KMO: variants seen among roughly 807,000 people sequenced by gnomAD.
KMO encodes the protein kynurenine 3-monooxygenase.
A neutral mutation model predicts 57.8 loss-of-function variants in KMO; 24 were observed. The ratio of observed to expected loss-of-function variants is 0.42; its 90% CI spans 0.30 to 0.58. The LOEUF is 0.58. KMO is among the 20% of genes least tolerant of loss of function. The pLI is 0.22. For synonymous variants in KMO, 210 were observed against 193.6 expected, an observed-to-expected ratio of 1.08 and a Z score of -0.70; for missense variants, 483 against 588.2, an observed-to-expected ratio of 0.82 and a Z score of 1.85.
At chr1:241,543,362 T>C (rs562260761) in intron 1 of KMO, among the ~76,000 whole-genome samples, 1 of 152,234 alleles carries the variant, frequency 6.6e-6, no homozygotes, top group African/African-American at 2.4e-5. Context: ...TATTTGCATA[T>C]GTCTATAGTT....
chr1:241,570,984 T>C (rs1011214139), intron 10 of KMO, among the ~76,000 whole-genome samples: 1 of 152,158 alleles, frequency 6.6e-6, no homozygotes, highest in Non-Finnish European at 1.5e-5. Context: ...GTTTTCATTG[T>C]AGAGATCTTT....
chr1:241,555,682 T>C (rs754767182), intron 5 of KMO, 22 bp downstream of exon 5: 22 of 1,446,930 alleles, frequency 1.5e-5, no homozygotes, highest in Non-Finnish European at 2.1e-5. Flanking sequence ...GTTTGATTCA[T>C]CAGTTGTCAT....
At chr1:241,542,374 G>A (rs1286952436) in intron 1 of KMO, among the ~76,000 whole-genome samples, 3 of 152,192 alleles carry the variant, frequency 2.0e-5, no homozygotes, top group Non-Finnish European at 2.9e-5. Context: ...GAAGTATGAC[G>A]AGACAGAAGA....
At chr1:241,578,731 G>C (rs781257737) in intron 10 of KMO, among the ~76,000 whole-genome samples, 3 of 152,146 alleles carry the variant, frequency 2.0e-5, no homozygotes, top group African/African-American at 7.2e-5. Context: ...AGCCAGGGTG[G>C]TGTAGGTAAT....
intron 9 of KMO, among the ~76,000 whole-genome samples, chr1:241,567,174 G>A (rs889334272): frequency 5.9e-5 from 9 of 152,122 alleles, no homozygotes; most frequent in African/African-American, 1.7e-4. Flanking sequence ...TGAAGGCAGC[G>A]CAATGCTACA....
At chr1:241,571,316 A>T (rs562871196) in intron 10 of KMO, among the ~76,000 whole-genome samples, 6 of 152,166 alleles carry the variant, frequency 3.9e-5, no homozygotes, top group African/African-American at 1.2e-4. Flanking sequence ...CCAGTACTAC[A>T]TTGCATAAAA....
intron 10 of KMO, among the ~76,000 whole-genome samples, chr1:241,582,622 T>C (rs1185083712): frequency 6.6e-6 from 1 of 152,236 alleles, no homozygotes; most frequent in Non-Finnish European, 1.5e-5. Flanking sequence ...AAAAATTATT[T>C]CAATCTCTTT....
intron 1 of KMO, among the ~76,000 whole-genome samples, chr1:241,534,190 G>A (rs1464591577): frequency 6.6e-6 from 1 of 152,234 alleles, no homozygotes; most frequent in Non-Finnish European, 1.5e-5. Context: ...TGTGGAGAAT[G>A]ACTAGGAACA....
chr1:241,549,178 AAGAG>A (rs923820257), intron 2 of KMO, among the ~76,000 whole-genome samples: 2 of 146,778 alleles, frequency 1.4e-5, no homozygotes, highest in African/African-American at 2.6e-5. Context: ...AAGAGAGAGA[AAGAG>A]AGAGAGAGAG....
chr1:241,592,209 G>T lies in KMO; in HGVS notation c.*56G>T. 7.4e-7 allele frequency: 1 copy of T among 1,348,162 alleles called. No homozygotes were observed. Among genetic ancestry groups the T allele is most frequent in the South Asian group, 1.2e-5 (1 of 81,354 alleles). 83.5% of individuals were successfully genotyped at this position (1,348,162 alleles called of 1,614,324 possible). On this transcript the variant is annotated 3_prime_UTR_variant, in exon 15 of 15. Coordinates refer to ENST00000366559, the MANE Select transcript of KMO (RefSeq NM_003679.5). Reference sequence around the variant, plus strand: ...TTTCTCTGTGACCAAAATTAAGCATGAAAAAAATGTTTCCATTGCCATATT... The same window carrying T: ...TTTCTCTGTGACCAAAATTAAGCATTAAAAAAATGTTTCCATTGCCATATT...
At chr1:241,591,639 T>C (rs1317513650) in intron 14 of KMO, among the ~76,000 whole-genome samples, 1 of 152,208 alleles carries the variant, frequency 6.6e-6, no homozygotes. Context: ...AGCAGTACTC[T>C]TCTAAGAATT....
intron 2 of KMO, among the ~76,000 whole-genome samples, chr1:241,549,100 C>T (rs959694344): frequency 3.3e-5 from 5 of 150,902 alleles, no homozygotes; most frequent in Middle Eastern, 3.4e-3. Flanking sequence ...ACCCAGGAGG[C>T]GGAGGTTGCA....
chr1:241,553,034 A>G (rs1167876452), intron 4 of KMO, among the ~76,000 whole-genome samples: 1 of 152,232 alleles, frequency 6.6e-6, no homozygotes, highest in Non-Finnish European at 1.5e-5. Context: ...TAGATAAAAT[A>G]AACTTTTTTT....
rs558164747 is a variant in KMO at position 241,539,034 on chromosome 1, G to A, written c.54+6536G>A. ...TACACTGTTGATGGTAATCTAAGCC[G>A]GTATTTTTTTCCTGGAAAACAACTT... On this transcript the variant is annotated intron_variant, in intron 1 of 14. Coordinates refer to ENST00000366559, the MANE Select transcript of KMO (RefSeq NM_003679.5). Among the ~76,000 whole-genome samples, 615 of 152,154 alleles carry A rather than the reference G, an allele frequency of 4.0e-3. 2 individuals are homozygous for A. The highest frequency in any genetic ancestry group is 7.0e-3 in the Non-Finnish European group (475 of 68,006).
rs1428760596 is a variant in KMO at position 241,592,377 on chromosome 1, G to C, written c.*224G>C. ...TCCCTACATTACACACACTCAGGTT[G>C]AGTCATTCTAACTATAAAAGTGCAA... On this transcript the variant is annotated 3_prime_UTR_variant, in exon 15 of 15. Coordinates refer to ENST00000366559, the MANE Select transcript of KMO (RefSeq NM_003679.5). 1 of 539,160 alleles carries C rather than the reference G, an allele frequency of 1.9e-6. No individual in the cohort carries two copies. Among genetic ancestry groups the C allele is most frequent in the South Asian group, 2.1e-5 (1 of 47,320 alleles). 33.4% of individuals were successfully genotyped at this position (539,160 alleles called of 1,614,324 possible).
chr1:241,562,908 AAG>A (rs1558421381), intron 7 of KMO, among the ~76,000 whole-genome samples: 18 of 53,816 alleles, frequency 3.3e-4, no homozygotes, highest in South Asian at 1.9e-3. Context: ...GGAAGGAAGG[AAG>A]GAAGGAAAGA....
intron 7 of KMO, among the ~76,000 whole-genome samples, chr1:241,562,814 G>T (rs764164120): frequency 1.3e-5 from 2 of 151,432 alleles, no homozygotes; most frequent in Non-Finnish European, 2.9e-5. Flanking sequence ...ACTCTATCCT[G>T]AGCAACATAG....
chr1:241,582,519 A>G (rs766209566), intron 10 of KMO, among the ~76,000 whole-genome samples: 3 of 151,656 alleles, frequency 2.0e-5, no homozygotes, highest in Admixed American at 6.6e-5. Context: ...CAGCTCACTA[A>G]TTTTTTCTTC....
intron 2 of KMO, among the ~76,000 whole-genome samples, chr1:241,549,416 CTT>C (rs1221879613): frequency 2.0e-5 from 3 of 151,832 alleles, no homozygotes; most frequent in Non-Finnish European, 4.4e-5. Context: ...AATTCTTTGA[CTT>C]TTCTTTAGAT....
Sources: gnomAD v4.1 joint callset for allele counts (sites outside exome capture counted in the v4.1 genomes callset) on GRCh38, gnomAD v4.1.1 for gene constraint, MANE v1.5 for transcripts, NCBI Gene and HGNC (gene_info 2026-07-23, HGNC 2026-07-21) for gene names.